ADAMTS9: variants seen among roughly 807,000 people sequenced by gnomAD.
ADAMTS9 encodes A disintegrin and metalloproteinase with thrombospondin motifs 9.
ADAMTS9 carries 107 observed loss-of-function variants against 257.1 expected under a neutral mutation model. The ratio of observed to expected loss-of-function variants is 0.42; its 90% CI spans 0.36 to 0.49. ADAMTS9 has a LOEUF of 0.49. Among genes scored for constraint, ADAMTS9 ranks in the 20% least tolerant of loss-of-function variants. ADAMTS9 has a pLI of 0.03. For synonymous variants in ADAMTS9, 982 were observed against 880.9 expected (o/e 1.11, Z -2.03); for missense variants, 2,353 against 2,469.1 (o/e 0.95, Z 1.00).
In ADAMTS9 at chr3:64,631,822, T is replaced by C; in HGVS notation, c.2279A>G (p.Asn760Ser). 6.2e-7 allele frequency: 1 copy of C among 1,612,972 alleles called. No homozygotes were observed. The highest frequency in any genetic ancestry group is 8.5e-7 in the Non-Finnish European group (1 of 1,178,970). The change falls in exon 15 of 40, where the codon AAT (asparagine) becomes AGT (serine). Residue 760 changes from asparagine to serine, a missense_variant. Physicochemically the swap from Asn to Ser is conservative, Grantham distance 46 (BLOSUM62 1). This residue lies in a region of ADAMTS9 where 360 missense variants were observed against 458.1 expected (regional missense o/e 0.79). Transcript: ENST00000498707. ...CAGATTCTTACCATAATGTACTGTA[T>C]TAAATGTTCCTGCCACTGTTTTGCA... ...SSCKTVAGTF[N>S]TVHYGYNTVV... is the part of the protein sequence containing the mutation.
rs529031506 is a variant in ADAMTS9 at position 64,613,435 on chromosome 3, A to G, written c.3264T>C (p.Asp1088=). 1.1e-4 allele frequency: 171 copies of G among 1,614,040 alleles called. No homozygotes were observed. In the South Asian group the frequency reaches 1.7e-3, roughly 16 times the overall value. ...GCTTGGTCTCAGGGTCACACATTCT[A>G]TCATTTAATCGATCTTCACCAAACT... is the stretch of plus-strand genomic sequence containing the variant. The part of the protein sequence containing the change: ...WCQFGEDRLN[D]RMCDPETKPT... Residue 1088 remains aspartate, a synonymous_variant, in exon 22 of 40, where the codon GAT becomes GAC. Coordinates refer to ENST00000498707, the MANE Select transcript of ADAMTS9 (RefSeq NM_182920.2).
intron 16 of ADAMTS9, among the ~76,000 whole-genome samples, chr3:64,627,689 C>A (rs538840943): frequency 1.3e-5 from 2 of 152,120 alleles, no homozygotes; most frequent in Non-Finnish European, 2.9e-5. Flanking sequence ...ATTAAGGGAG[C>A]TAATTTCCTG....
intron 32 of ADAMTS9, among the ~76,000 whole-genome samples, chr3:64,543,192 C>T (rs1325451891): frequency 2.1e-5 from 1 of 48,746 alleles, no homozygotes; most frequent in Non-Finnish European, 3.8e-5. Context: ...GAGGTACAAA[C>T]AAGAGCTGGT....
chr3:64,597,365 TC>T (rs2084385783), intron 26 of ADAMTS9, among the ~76,000 whole-genome samples: 1 of 152,184 alleles, frequency 6.6e-6, no homozygotes, highest in Non-Finnish European at 1.5e-5. Context: ...TTTCAAAACT[TC>T]AAGTGCCTAT....
At chr3:64,632,102 T>C (rs945246217) in intron 14 of ADAMTS9, among the ~76,000 whole-genome samples, 177 bp from the exon 15 acceptor site, 3 of 152,188 alleles carry the variant, frequency 2.0e-5, no homozygotes, top group African/African-American at 7.2e-5. Context: ...ATGTGGTCCT[T>C]GGACCAGCAG....
chr3:64,686,913 G>A lies in ADAMTS9; in HGVS notation c.171C>T (p.Asn57=). 1 of 1,614,188 alleles carries A rather than the reference G, an allele frequency of 6.2e-7. No homozygotes were observed. The highest frequency in any genetic ancestry group is 1.3e-5 in the African/African-American group (1 of 75,046). ...TCGTGGGAAAGGGTTCTCCGAGAGC[G>A]TTCACTCGGATGGGAGACACGATTT... ...EYEIVSPIRV[N]ALGEPFPTNV... Residue 57 remains asparagine, a synonymous_variant, in exon 2 of 40, where the codon AAC becomes AAT. Coordinates refer to ENST00000498707, the MANE Select transcript of ADAMTS9 (RefSeq NM_182920.2). The surrounding 1 kb of genome is among the most constrained non-coding windows in gnomAD (Gnocchi z 4.6).
intron 28 of ADAMTS9, among the ~76,000 whole-genome samples, chr3:64,571,826 G>A (rs1197716393): frequency 6.6e-6 from 1 of 152,132 alleles, no homozygotes; most frequent in Non-Finnish European, 1.5e-5. Flanking sequence ...TGATAGAGGG[G>A]CTATCATTTT....
chr3:64,622,135 A>AAAAT (rs958257711), intron 18 of ADAMTS9, 63 bp downstream of exon 18: 102 of 1,506,712 alleles, frequency 6.8e-5, no homozygotes, highest in African/African-American at 6.4e-4. Context: ...GCTGTTATTA[A>AAAAT]AAATAAATAA....
intron 11 of ADAMTS9, among the ~76,000 whole-genome samples, chr3:64,647,445 T>C (rs1700826111): frequency 6.6e-6 from 1 of 152,196 alleles, no homozygotes; most frequent in African/African-American, 2.4e-5. Context: ...TGGATTTGGA[T>C]ATATCCTGAA....
intron 30 of ADAMTS9, among the ~76,000 whole-genome samples, chr3:64,558,970 G>C (rs1046665998): frequency 2.0e-5 from 3 of 152,182 alleles, no homozygotes; most frequent in African/African-American, 7.2e-5. Flanking sequence ...AACGGTGGCT[G>C]AAAGAATGGA....
At position 64,659,861 on chromosome 3, in the gene ADAMTS9, A is replaced by T. The variant is rs1044057340; in HGVS notation, c.680-1070T>A. Among the ~76,000 whole-genome samples the T allele has an allele frequency of 2.0e-5, 3 of 152,032 alleles. No homozygotes were observed. The South Asian group carries it at 6.2e-4, about 32-fold the overall frequency. ...CAGAGTAGGGTCCGTGGACCAGCAA[A>T]ATTGACAATTAGAAGCTTGTTAAAA... On this transcript the variant is annotated intron_variant, in intron 3 of 39. Transcript: ENST00000498707.
intron 27 of ADAMTS9, among the ~76,000 whole-genome samples, chr3:64,594,826 A>G (rs1346969565): frequency 1.3e-5 from 2 of 152,098 alleles, no homozygotes; most frequent in East Asian, 3.9e-4. Flanking sequence ...TTGCTCTGTC[A>G]TCCAGGCTGG....
chr3:64,633,979 A>C, intron 12 of ADAMTS9, 100 bp from the exon 13 acceptor site: 1 of 1,145,602 alleles, frequency 8.7e-7, no homozygotes, highest in African/African-American at 1.6e-5. Flanking sequence ...TAGAGAAGTA[A>C]ATCTAGGGTG....
intron 37 of ADAMTS9, among the ~76,000 whole-genome samples, chr3:64,537,904 G>A (rs1444366879): frequency 2.6e-5 from 4 of 152,172 alleles, no homozygotes; most frequent in African/African-American, 2.4e-5. Flanking sequence ...AAATTAGCCC[G>A]AGCTGATTAT....
chr3:64,566,961 G>A (rs371604923), intron 29 of ADAMTS9, among the ~76,000 whole-genome samples: 146 of 151,978 alleles, frequency 9.6e-4, no homozygotes, highest in African/African-American at 3.5e-3. Context: ...TATGCTCCCC[G>A]AAGGAAGGCA....
At chr3:64,621,748 C>T (rs1391864799) in intron 18 of ADAMTS9, among the ~76,000 whole-genome samples, 1 of 143,948 alleles carries the variant, frequency 6.9e-6, no homozygotes, top group Non-Finnish European at 1.5e-5. Flanking sequence ...GGCGACAGAC[C>T]AAGACTCCAT....
chr3:64,528,542 G>A (rs965361966), intron 38 of ADAMTS9, among the ~76,000 whole-genome samples: 3 of 152,092 alleles, frequency 2.0e-5, no homozygotes, highest in Non-Finnish European at 4.4e-5. Context: ...ACCAAGGGGT[G>A]TCTCACACGA....
Position 64,649,754 on chromosome 3 carries a change from A to T in ADAMTS9, c.1488T>A (p.Leu496=). ...FLDTGYGECL[L]NEPESRPYPL... is the part of the protein sequence containing the mutation. Reference sequence around the variant, plus strand: ...GGTAGGGTCTGGATTCAGGTTCGTTAAGCAAACACTCGCCATAACCAGTGC... The same window carrying T: ...GGTAGGGTCTGGATTCAGGTTCGTTTAGCAAACACTCGCCATAACCAGTGC... Residue 496 remains leucine, a synonymous_variant, in exon 10 of 40, where the codon CTT becomes CTA. Transcript: ENST00000498707. The T allele has an allele frequency of 1.2e-6, 2 of 1,613,898 alleles. No homozygotes were observed. Among genetic ancestry groups the T allele is most frequent in the Non-Finnish European group, 1.7e-6 (2 of 1,179,914 alleles).
chr3:64,525,031 C>T (rs574999290), intron 38 of ADAMTS9, among the ~76,000 whole-genome samples: 1 of 152,330 alleles, frequency 6.6e-6, no homozygotes, highest in East Asian at 1.9e-4. Flanking sequence ...ACCTGGTTAT[C>T]TGCCGCAAAG....
Sources: allele counts gnomAD v4.1 joint callset (sites outside exome capture counted in the v4.1 genomes callset), GRCh38; gene constraint gnomAD v4.1.1; regional missense constraint gnomAD v4.1.1; non-coding constraint Gnocchi (gnomAD v3.1); transcripts MANE v1.5; gene names NCBI Gene and HGNC (gene_info 2026-07-23, HGNC 2026-07-21).